The following UFD1 variants were observed in gnomAD, a reference collection of about 807,000 sequenced individuals.
UFD1 encodes ubiquitin recognition factor in ER-associated degradation protein 1.
Under a neutral mutation model 45.9 loss-of-function variants are expected in UFD1, and 13 were observed. The ratio of observed to expected loss-of-function variants is 0.28; its 90% confidence interval spans 0.18 to 0.45. The LOEUF is 0.45. Among genes scored for constraint, UFD1 ranks in the 20% least tolerant of loss-of-function variants. The pLI, the probability that UFD1 is intolerant of heterozygous loss-of-function variation, is 1.00. For missense variants in UFD1, 218 were observed against 389.2 expected (o/e 0.56, Z 3.70); for synonymous variants, 128 against 139.2 (o/e 0.92, Z 0.56).
chr22:19,454,568 G>A (rs2089707983), intron 11 of UFD1, 181 bp downstream of exon 11: 4 of 1,328,146 alleles, frequency 3.0e-6, no homozygotes, highest in Non-Finnish European at 4.0e-6. Flanking sequence ...CCCCAGCCAT[G>A]TGAACTGTAA....
At chr22:19,465,038 AG>A in intron 6 of UFD1, 163 bp downstream of exon 6, 1 of 637,100 alleles carries the variant, frequency 1.6e-6, no homozygotes. Flanking sequence ...CAAATGAATT[AG>A]GGCTCTAAAT....
At chr22:19,462,976 G>C (rs181797048) in intron 6 of UFD1, among the ~76,000 whole-genome samples, 3 of 152,334 alleles carry the variant, frequency 2.0e-5, no homozygotes, top group African/African-American at 7.2e-5. Flanking sequence ...GATACTGGCT[G>C]TAACTGTTGC....
intron 6 of UFD1, among the ~76,000 whole-genome samples, chr22:19,459,167 A>T (rs1162654620): frequency 6.6e-6 from 1 of 152,236 alleles, no homozygotes; most frequent in African/African-American, 2.4e-5. Flanking sequence ...GACTGTCTGT[A>T]TACTCAAAAT....
At chr22:19,471,595 G>T in intron 4 of UFD1, 92 bp downstream of exon 4, 1 of 1,535,028 alleles carries the variant, frequency 6.5e-7, no homozygotes, top group Non-Finnish European at 8.8e-7. Flanking sequence ...AGGAGTAGGC[G>T]GGGCCACCTG....
chr22:19,450,558 T>C lies in UFD1; in HGVS notation c.*112A>G, dbSNP rs899767610. ...TTCTTAGGTAACTCTAAATAAATCT[T>C]AAGTAACAGAGTATTCTCTGATGAG... On this transcript the variant is annotated 3_prime_UTR_variant, in exon 12 of 12. Transcript: ENST00000263202. 2.2e-6 allele frequency: 3 copies of C among 1,334,256 alleles called. No individual in the cohort carries two copies. Among genetic ancestry groups the C allele is most frequent in the Non-Finnish European group, 3.1e-6 (3 of 952,522 alleles). The allele number at this position is 1,334,256 out of a possible 1,614,324, so 82.7% of individuals were successfully genotyped here.
chr22:19,466,443 C>A (rs556306673), intron 5 of UFD1: 35 of 152,456 alleles, frequency 2.3e-4, no homozygotes, highest in African/African-American at 8.2e-4. Context: ...GACCAGAAAA[C>A]ACCAGGCTCT....
chr22:19,458,143 T>C lies in UFD1; in HGVS notation c.496-4A>G, dbSNP rs778090098. Reference sequence around the variant, plus strand: ...CCATCACACGCAGTTCGTAGATCTGTGGGGCAAACACAGAAATCAGTTGGA... The same window carrying C: ...CCATCACACGCAGTTCGTAGATCTGCGGGGCAAACACAGAAATCAGTTGGA... On this transcript the variant is annotated splice_polypyrimidine_tract_variant and splice_region_variant and intron_variant, in intron 6 of 11. Transcript: ENST00000263202. 2.5e-6 allele frequency: 4 copies of C among 1,613,944 alleles called. No individual in the cohort carries two copies. Among genetic ancestry groups the C allele is most frequent in the South Asian group, 1.1e-5 (1 of 91,084 alleles).
chr22:19,473,260 C>T (rs2089858596), intron 3 of UFD1, among the ~76,000 whole-genome samples: 1 of 152,246 alleles, frequency 6.6e-6, no homozygotes, highest in Non-Finnish European at 1.5e-5. Flanking sequence ...GACTCTCAAA[C>T]TGCATTTTGT....
intron 10 of UFD1, among the ~76,000 whole-genome samples, chr22:19,455,084 G>A (rs1210362004): frequency 1.3e-5 from 2 of 151,818 alleles, no homozygotes. Context: ...GGATTGGGAA[G>A]CCCTCACTGT....
At chr22:19,471,878 A>G (rs2089848787) in intron 3 of UFD1, 70 bp from the exon 4 acceptor site, 1 of 1,555,732 alleles carries the variant, frequency 6.4e-7, no homozygotes, top group Admixed American at 1.8e-5. Flanking sequence ...ACGCCTTCCC[A>G]TAGAAGGAGC....
intron 3 of UFD1, among the ~76,000 whole-genome samples, chr22:19,472,389 G>A (rs909773840): frequency 2.6e-5 from 4 of 152,310 alleles, no homozygotes; most frequent in Admixed American, 2.6e-4. Context: ...GCGAGTGGTT[G>A]GGAAGGGGAG....
intron 5 of UFD1, 167 bp downstream of exon 5, chr22:19,467,706 G>C (rs1601897198): frequency 7.9e-7 from 1 of 1,261,936 alleles, no homozygotes; most frequent in East Asian, 2.5e-5. Flanking sequence ...CACTTGGCCA[G>C]GGCCACGCAG....
chr22:19,461,000 C>G (rs985949086), intron 6 of UFD1, among the ~76,000 whole-genome samples: 5 of 152,186 alleles, frequency 3.3e-5, no homozygotes, highest in African/African-American at 1.2e-4. Flanking sequence ...AAACAATCCT[C>G]CAACCTTGGC....
intron 11 of UFD1, chr22:19,454,140 A>G (rs2089704059): frequency 1.0e-6 from 1 of 986,074 alleles, no homozygotes; most frequent in Non-Finnish European, 1.2e-6. Context: ...CAGTTCTGTG[A>G]TAACAGAGCC....
In UFD1 at chr22:19,454,352, G is replaced by A. The variant is rs891165014; in HGVS notation, c.849+397C>T. The A allele has an allele frequency of 6.5e-5, 66 of 1,015,998 alleles. No individual in the cohort carries two copies. In the African/African-American group the frequency reaches 9.5e-4, roughly 15 times the overall value. The allele number at this position is 1,015,998 out of a possible 1,614,324, so 62.9% of individuals were successfully genotyped here. A position where few individuals can be genotyped will look rare whatever the true frequency, so the allele number is the denominator to read the frequency against. On this transcript the variant is annotated intron_variant, in intron 11 of 11. Coordinates refer to ENST00000263202, the MANE Select transcript of UFD1 (RefSeq NM_005659.7). ...CTCATCTTGAATTACCACGTGTTGT[G>A]GGAGGGACCAGGTGGGAGGTAACTG...
intron 7 of UFD1, 132 bp downstream of exon 7, chr22:19,457,939 C>G (rs1057447240): frequency 1.1e-6 from 1 of 871,914 alleles, no homozygotes; most frequent in Non-Finnish European, 1.9e-6. Context: ...GATGTTCTGA[C>G]AGCATCTTCC....
intron 3 of UFD1, 138 bp from the exon 4 acceptor site, chr22:19,471,946 G>T: frequency 8.1e-7 from 1 of 1,240,624 alleles, no homozygotes; most frequent in Non-Finnish European, 1.1e-6. Flanking sequence ...CCCCCTCTGT[G>T]AGAGCACAGT....
At chr22:19,450,792 A>G in intron 11 of UFD1, 48 bp from the exon 12 acceptor site, 1 of 1,613,640 alleles carries the variant, frequency 6.2e-7, no homozygotes, top group Middle Eastern at 1.7e-4. Flanking sequence ...CTGGAGGTTT[A>G]CAATAAATGC....
intron 11 of UFD1, chr22:19,451,201 AT>A: frequency 1.0e-6 from 1 of 986,432 alleles, no homozygotes; most frequent in Non-Finnish European, 1.2e-6. Flanking sequence ...TGCTTAAAGA[AT>A]TGTTTTCCCA....
Sources: allele counts gnomAD v4.1 joint callset (sites outside exome capture counted in the v4.1 genomes callset), GRCh38; gene constraint gnomAD v4.1.1; transcripts MANE v1.5; gene names NCBI Gene and HGNC (gene_info 2026-07-23, HGNC 2026-07-21).